The following NAV1 variants were observed in gnomAD, a reference collection of about 807,000 sequenced individuals.
NAV1 encodes pore membrane and/or filament interacting like protein 3.
NAV1 carries 18 observed loss-of-function variants against 175.2 expected under a neutral mutation model. The observed-to-expected ratio is 0.10, with a 90% CI of 0.07 to 0.15. The LOEUF is 0.15. Ranked by LOEUF, NAV1 falls within the 10% of genes least tolerant of loss-of-function variation. NAV1 has a pLI of 1.00. For missense variants in NAV1, 1,731 were observed against 2,436.6 expected (o/e 0.71, Z 6.10); for synonymous variants, 897 against 978.7 (o/e 0.92, Z 1.56).
At chr1:201,653,033 A>G (rs535787154) in intron 1 of NAV1, among the ~76,000 whole-genome samples, 28 of 152,334 alleles carry the variant, frequency 1.8e-4, no homozygotes, top group African/African-American at 6.0e-4. Context: ...ATTGAATACT[A>G]TACTAAAAGT....
intron 1 of NAV1, among the ~76,000 whole-genome samples, chr1:201,650,723 C>T (rs938784929): frequency 6.6e-6 from 1 of 152,206 alleles, no homozygotes; most frequent in Non-Finnish European, 1.5e-5. Context: ...GGTCCTCTGA[C>T]AGGGGCAAGG....
At chr1:201,793,345 A>G in intron 13 of NAV1, 1 of 155,256 alleles carries the variant, frequency 6.4e-6, no homozygotes, top group Non-Finnish European at 1.4e-5. Flanking sequence ...GAAGAAACGC[A>G]CCAAATAGTT....
chr1:201,811,973 A>C (rs752780203), exon 26 of NAV1: 1 of 1,613,952 alleles, frequency 6.2e-7, no homozygotes, highest in African/African-American at 1.3e-5. Flanking sequence ...CTTGAGCTTC[A>C]GGTAAGACCT....
rs765088193 is a variant in NAV1, at chr1:201,785,451, TC to T, written c.2846+101del. On this transcript the variant is annotated intron_variant, in intron 8 of 29. Coordinates refer to ENST00000367296, the Ensembl canonical transcript of NAV1. Reference sequence around the variant, plus strand: ...TCCAAGGCTCCAGTCATGAATTTAGTCACCCTTTTAGCTGAATCATTTGTAT... The same window carrying T: ...TCCAAGGCTCCAGTCATGAATTTAGTACCCTTTTAGCTGAATCATTTGTAT... The T allele has an allele frequency of 3.1e-5, 40 of 1,271,826 alleles. 1 individual carries two copies. The East Asian group carries it at 6.9e-4, about 22-fold the overall frequency. 78.8% of individuals were successfully genotyped at this position (1,271,826 alleles called of 1,614,324 possible).
At chr1:201,736,370 C>G (rs1039797381) in intron 3 of NAV1, among the ~76,000 whole-genome samples, 2 of 152,314 alleles carry the variant, frequency 1.3e-5, no homozygotes, top group East Asian at 3.9e-4. Flanking sequence ...TTAGAGCACA[C>G]CAAACTGCTT....
intron 1 of NAV1, among the ~76,000 whole-genome samples, chr1:201,556,881 C>T (rs1666033624): frequency 1.3e-5 from 2 of 152,146 alleles, no homozygotes; most frequent in African/African-American, 4.8e-5. Context: ...ATTAGTGTTC[C>T]CCCTGTAAAA....
At chr1:201,732,741 C>A (rs1672916777) in intron 3 of NAV1, among the ~76,000 whole-genome samples, 3 of 152,166 alleles carry the variant, frequency 2.0e-5, no homozygotes, top group Admixed American at 2.0e-4. Flanking sequence ...GCAGATGTGG[C>A]AGGAGGAAAA....
chr1:201,567,564 A>T (rs1666393078), intron 1 of NAV1, among the ~76,000 whole-genome samples: 1 of 152,178 alleles, frequency 6.6e-6, no homozygotes, highest in Non-Finnish European at 1.5e-5. Context: ...GTCTAACTGA[A>T]TCAGTAATGA....
intron 3 of NAV1, among the ~76,000 whole-genome samples, chr1:201,738,502 C>G (rs2102545065): frequency 6.6e-6 from 1 of 152,176 alleles, no homozygotes; most frequent in South Asian, 2.1e-4. Flanking sequence ...GTACAGTTAC[C>G]CAAAGTGCAT....
chr1:201,785,463 C>A (rs1185866355), intron 8 of NAV1, 112 bp downstream of exon 12: 7 of 1,143,908 alleles, frequency 6.1e-6, no homozygotes, highest in Non-Finnish European at 9.0e-6. Flanking sequence ...ACCCTTTTAG[C>A]TGAATCATTT....
rs191785127 is a variant in NAV1 at position 201,600,350 on chromosome 1, A to G, written c.-33+11701A>G. ...GAACCAAAAGTGGACAATAACCCCA[A>G]CGACTTCTCCTTTTCCCCTGAAGCA... On this transcript the variant is annotated intron_variant, in intron 2 of 33. Coordinates refer to the NAV1 transcript ENST00000685211. 1.7e-3 allele frequency among the ~76,000 whole-genome samples: 252 copies of G among 152,302 alleles called. 1 individual carries two copies. The highest frequency in any genetic ancestry group is 5.8e-3 in the African/African-American group (242 of 41,554).
At chr1:201,671,717 A>G (rs533638829) in intron 1 of NAV1, among the ~76,000 whole-genome samples, 2 of 152,308 alleles carry the variant, frequency 1.3e-5, no homozygotes, top group Admixed American at 1.3e-4. Flanking sequence ...GGCAGTGGGC[A>G]TTTCTCACAG....
At chr1:201,738,675 T>C (rs895423834) in intron 3 of NAV1, among the ~76,000 whole-genome samples, 1 of 152,044 alleles carries the variant, frequency 6.6e-6, no homozygotes, top group Non-Finnish European at 1.5e-5. Flanking sequence ...CTGTAAAAAC[T>C]GAGGCCTGGA....
chr1:201,740,641 C>T lies in NAV1; in HGVS notation c.1226+21886C>T, dbSNP rs1213865641. On this transcript the variant is annotated intron_variant, in intron 3 of 29. Transcript: ENST00000367296. The surrounding 1 kb of genome is among the most constrained non-coding windows in gnomAD (Gnocchi z 4.7). ...AGGGGACGTTGAATTTGTGACCGTA[C>T]TGCTGGCTGGATACTTCCGAGAGAG... Among the ~76,000 whole-genome samples, 1 of 152,138 alleles carries T rather than the reference C, an allele frequency of 6.6e-6. No individual in the cohort carries two copies. Among genetic ancestry groups the T allele is most frequent in the South Asian group, 2.1e-4 (1 of 4,820 alleles).
At chr1:201,735,152 A>G (rs114465248) in intron 3 of NAV1, among the ~76,000 whole-genome samples, 1,950 of 152,182 alleles carry the variant, frequency 0.013, 39 homozygotes, top group African/African-American at 0.042. Flanking sequence ...AAACTCTCCC[A>G]TCTACCTTCC....
intron 2 of NAV1, among the ~76,000 whole-genome samples, chr1:201,611,984 C>A (rs995253477): frequency 2.6e-5 from 4 of 151,886 alleles, no homozygotes; most frequent in Non-Finnish European, 5.9e-5. Flanking sequence ...TGTGTGAGCA[C>A]GTACCTGTGT....
At chr1:201,780,628 G>T in intron 4 of NAV1, 69 bp downstream of exon 8, 1 of 1,598,872 alleles carries the variant, frequency 6.3e-7, no homozygotes, top group Non-Finnish European at 8.6e-7. Context: ...CATTATCTGT[G>T]TATGGGGTTG....
intron 1 of NAV1, among the ~76,000 whole-genome samples, chr1:201,624,094 C>CCTGT (rs1224003811): frequency 1.3e-5 from 2 of 152,222 alleles, no homozygotes; most frequent in African/African-American, 2.4e-5. Context: ...ATACCTTGTA[C>CCTGT]CTGTCTGTCT....
At chr1:201,752,140 G>A (rs1205084706) in intron 3 of NAV1, among the ~76,000 whole-genome samples, 2 of 152,220 alleles carry the variant, frequency 1.3e-5, no homozygotes, top group Non-Finnish European at 2.9e-5. Context: ...CCAAGAGTAA[G>A]CAGTCCATGA....
Sources: allele counts gnomAD v4.1 joint callset (sites outside exome capture counted in the v4.1 genomes callset), GRCh38; gene constraint gnomAD v4.1.1; non-coding constraint Gnocchi (gnomAD v3.1); transcripts MANE v1.5; gene names NCBI Gene and HGNC (gene_info 2026-07-23, HGNC 2026-07-21).